The following C8orf34 variants were observed in gnomAD, a reference collection of about 807,000 sequenced individuals.
The protein encoded by C8orf34 is uncharacterized protein C8orf34.
Under a neutral mutation model 68.3 loss-of-function variants are expected in C8orf34, and 65 were observed. The observed-to-expected ratio is 0.95, with a 90% CI of 0.78 to 1.17. The LOEUF (loss-of-function observed/expected upper bound fraction) is 1.17, where lower values mean the gene tolerates loss of function less well. Among genes scored for constraint, C8orf34 ranks in the 50% most tolerant of loss-of-function variants. The pLI is 0.00. For missense variants in C8orf34, 664 were observed against 655.4 expected (o/e 1.01, Z -0.14); for synonymous variants, 244 against 241.2 (o/e 1.01, Z -0.11).
chr8:68,597,869 A>T (rs896178112), intron 7 of C8orf34, among the ~76,000 whole-genome samples: 1 of 152,148 alleles, frequency 6.6e-6, no homozygotes, highest in Non-Finnish European at 1.5e-5. Context: ...AAAAAAATGA[A>T]GGTGGTGAAT....
intron 4 of C8orf34, among the ~76,000 whole-genome samples, chr8:68,478,082 T>C (rs1313393989): frequency 6.6e-6 from 1 of 152,242 alleles, no homozygotes. Flanking sequence ...TTGTTACTTA[T>C]GCAAATGTCT....
intron 10 of C8orf34, among the ~76,000 whole-genome samples, chr8:68,770,421 A>C (rs1410254466): frequency 1.3e-5 from 2 of 152,260 alleles, no homozygotes; most frequent in African/African-American, 4.8e-5. Flanking sequence ...ACATGTTGGC[A>C]CAATGACTAG....
intron 5 of C8orf34, among the ~76,000 whole-genome samples, chr8:68,499,631 G>A (rs192299688): frequency 6.4e-4 from 97 of 152,250 alleles, no homozygotes; most frequent in Non-Finnish European, 8.7e-4. Context: ...GTTAAAATTC[G>A]TAGGTAAAAT....
chr8:68,596,087 A>G (rs1392517155), intron 7 of C8orf34, among the ~76,000 whole-genome samples: 1 of 151,822 alleles, frequency 6.6e-6, no homozygotes, highest in Non-Finnish European at 1.5e-5. Context: ...GTTTCTTTTT[A>G]TTGTACTTTT....
At chr8:68,767,244 C>G (rs887804618) in intron 10 of C8orf34, among the ~76,000 whole-genome samples, 1 of 152,034 alleles carries the variant, frequency 6.6e-6, no homozygotes, top group Admixed American at 6.6e-5. Context: ...CTAAGAAAAC[C>G]CATCAGTATT....
chr8:68,335,066 C>T (rs144241732), intron 1 of C8orf34, among the ~76,000 whole-genome samples: 49 of 152,240 alleles, frequency 3.2e-4, no homozygotes, highest in African/African-American at 1.2e-3. Flanking sequence ...CGGAGATCTC[C>T]TTTCGTTGTT....
At chr8:68,611,722 A>G (rs1272830278) in intron 7 of C8orf34, among the ~76,000 whole-genome samples, 1 of 152,184 alleles carries the variant, frequency 6.6e-6, no homozygotes, top group Non-Finnish European at 1.5e-5. Flanking sequence ...AGATTGTCAT[A>G]TGGTTGGTAA....
At chr8:68,473,332 G>T (rs1168177975) in intron 4 of C8orf34, among the ~76,000 whole-genome samples, 5 of 152,148 alleles carry the variant, frequency 3.3e-5, no homozygotes, top group African/African-American at 4.8e-5. Flanking sequence ...GTTGGACCAG[G>T]TGTGATGTTT....
intron 1 of C8orf34, among the ~76,000 whole-genome samples, chr8:68,376,205 A>ATAAAATAAAATAAAAT (rs1330182421): frequency 6.6e-6 from 1 of 152,014 alleles, no homozygotes; most frequent in African/African-American, 2.4e-5. Context: ...ATAAAATAAA[A>ATAAAATAAAATAAAAT]TAAAATAAAA....
At chr8:68,535,314 G>A in intron 7 of C8orf34, 1 of 981,216 alleles carries the variant, frequency 1.0e-6, no homozygotes, top group African/African-American at 1.8e-5. Flanking sequence ...TTGTAGATGT[G>A]TGTGCTATAG....
intron 10 of C8orf34, among the ~76,000 whole-genome samples, chr8:68,773,585 A>G (rs922376655): frequency 6.6e-6 from 1 of 151,928 alleles, no homozygotes; most frequent in African/African-American, 2.4e-5. Context: ...TTTTTGGTAA[A>G]GACGAGGTTT....
intron 1 of C8orf34, among the ~76,000 whole-genome samples, chr8:68,434,991 A>G (rs920847929): frequency 6.6e-6 from 1 of 151,566 alleles, no homozygotes; most frequent in Non-Finnish European, 1.5e-5. Context: ...AGAGGTTTGC[A>G]GTGAGCTGAG....
At chr8:68,408,076 G>T (rs897053365) in intron 1 of C8orf34, among the ~76,000 whole-genome samples, 1 of 151,966 alleles carries the variant, frequency 6.6e-6, no homozygotes, top group African/African-American at 2.4e-5. Flanking sequence ...ATTTACAGTT[G>T]GTCCCCATTG....
chr8:68,487,388 C>T (rs1813123033), intron 4 of C8orf34, among the ~76,000 whole-genome samples: 3 of 152,140 alleles, frequency 2.0e-5, no homozygotes, highest in Non-Finnish European at 2.9e-5. Context: ...AAACTTTTTA[C>T]ATTGCTGACT....
intron 11 of C8orf34, among the ~76,000 whole-genome samples, chr8:68,783,258 G>A (rs912538074): frequency 9.2e-5 from 14 of 152,044 alleles, no homozygotes; most frequent in Admixed American, 5.2e-4. Context: ...AGAGGCGCAC[G>A]CCTGTAATCC....
intron 8 of C8orf34, among the ~76,000 whole-genome samples, chr8:68,688,795 A>G (rs1554597687): frequency 6.6e-6 from 1 of 152,076 alleles, no homozygotes. Flanking sequence ...GAGAACGTGG[A>G]CATAGAAAGG....
chr8:68,516,577 T>A (rs1814524391), intron 5 of C8orf34, among the ~76,000 whole-genome samples: 1 of 152,124 alleles, frequency 6.6e-6, no homozygotes, highest in South Asian at 2.1e-4. Context: ...TAAGCCATAC[T>A]GCAGAAATTG....
rs144717137 is a variant in C8orf34, at chr8:68,791,429, A to G, written c.1549+3893A>G. On this transcript the variant is annotated intron_variant, in intron 12 of 13. Coordinates refer to ENST00000518698, the MANE Select transcript of C8orf34 (RefSeq NM_052958.4). ...TTTGACATGAGATTTGGGTGGGGAC[A>G]CTGAGCCAAATAATATCAGACAGGT... 232 of 153,604 alleles carry G rather than the reference A, an allele frequency of 1.5e-3. 3 individuals are homozygous for G. The highest frequency in any genetic ancestry group is 5.5e-3 in the African/African-American group (227 of 41,648). The allele number at this position is 153,604 out of a possible 1,614,324, so 9.5% of individuals were successfully genotyped here.
intron 8 of C8orf34, among the ~76,000 whole-genome samples, chr8:68,708,681 C>T (rs1249168098): frequency 6.6e-6 from 1 of 152,166 alleles, no homozygotes; most frequent in South Asian, 2.1e-4. Context: ...TCCTTCCACT[C>T]AATTCCCCTT....
Sources: allele counts gnomAD v4.1 joint callset (sites outside exome capture counted in the v4.1 genomes callset), GRCh38; gene constraint gnomAD v4.1.1; transcripts MANE v1.5; gene names NCBI Gene and HGNC (gene_info 2026-07-23, HGNC 2026-07-21).